The following SNAP47 variants were observed in gnomAD, a reference collection of about 807,000 sequenced individuals.
SNAP47 encodes the protein synaptosomal-associated protein 47.
Under a neutral mutation model 31.4 loss-of-function variants are expected in SNAP47, and 20 were observed. The ratio of observed to expected loss-of-function variants is 0.64; its 90% CI spans 0.45 to 0.93. The LOEUF (loss-of-function observed/expected upper bound fraction) is 0.93, where lower values mean the gene tolerates loss of function less well. Ranked by LOEUF, SNAP47 falls within the 40% of genes least tolerant of loss-of-function variation. The pLI is 0.00. For synonymous variants in SNAP47, 194 were observed against 213.4 expected, an observed-to-expected ratio of 0.91 and a Z score of 0.79; for missense variants, 492 against 528.5, an observed-to-expected ratio of 0.93 and a Z score of 0.68.
At chr1:227,747,629 T>C in intron 1 of SNAP47, 63 bp from the exon 2 acceptor site, 4 of 1,498,240 alleles carry the variant, frequency 2.7e-6, no homozygotes, top group Admixed American at 2.1e-5. Flanking sequence ...AGCATCCTTG[T>C]GGGGTTGCTT....
At position 227,758,975 on chromosome 1, in the gene SNAP47, T is replaced by C. The variant is rs371040835; in HGVS notation, c.498-20T>C. On this transcript the variant is annotated intron_variant, in intron 2 of 4. Coordinates refer to ENST00000617596, the MANE Select transcript of SNAP47 (RefSeq NM_053052.4). ...AAAAATGAACTGATCCAGTTTTCCATGTTTTGTTTGCTTTTTCAGATTGCT... is the reference window on the plus strand; with the variant it reads ...AAAAATGAACTGATCCAGTTTTCCACGTTTTGTTTGCTTTTTCAGATTGCT... 10 of 1,559,622 alleles carry C rather than the reference T, an allele frequency of 6.4e-6. No homozygotes were observed. The highest frequency in any genetic ancestry group is 4.1e-5 in the African/African-American group (3 of 72,300).
Position 227,781,010 on chromosome 1 carries a change from C to G in SNAP47, c.*337C>G, listed in dbSNP as rs1485262892. 3.4e-6 allele frequency: 1 copy of G among 296,772 alleles called. No homozygotes were observed. The highest frequency in any genetic ancestry group is 2.2e-5 in the African/African-American group (1 of 46,342). The allele number at this position is 296,772 out of a possible 1,614,324, so 18.4% of individuals were successfully genotyped here. ...CGGCTCCCTTTCATGGACAGACTGG[C>G]CTTCTTAGCTGTACTATAAATTTGT... is the stretch of plus-strand genomic sequence containing the variant. On this transcript the variant is annotated 3_prime_UTR_variant, in exon 5 of 5. Coordinates refer to ENST00000617596, the MANE Select transcript of SNAP47 (RefSeq NM_053052.4).
intron 4 of SNAP47, chr1:227,775,638 C>A: frequency 1.4e-6 from 1 of 722,264 alleles, no homozygotes; most frequent in Non-Finnish European, 2.0e-6. Context: ...CAGCACTCAG[C>A]CTTGCCCTAA....
At chr1:227,754,231 C>T (rs909758538) in intron 2 of SNAP47, among the ~76,000 whole-genome samples, 1 of 152,256 alleles carries the variant, frequency 6.6e-6, no homozygotes, top group African/African-American at 2.4e-5. Flanking sequence ...GGCCTACAGC[C>T]GTGCTGGTGC....
upstream of SNAP47, chr1:227,733,925 G>A (rs751199312): frequency 4.5e-5 from 72 of 1,613,634 alleles, no homozygotes; most frequent in Non-Finnish European, 5.7e-5. Context: ...CGCAGGCCCC[G>A]CGTAGACAAA....
rs557110211 is a variant in SNAP47, at chr1:227,779,793, C to T, written c.1114-734C>T. On this transcript the variant is annotated intron_variant, in intron 4 of 4. Transcript: ENST00000617596. ...AGCACCAGCTCAGCCCTTAGCTCAT[C>T]GCCCCTGCTGCAACCAGGGGACACA... 1.6e-4 allele frequency among the ~76,000 whole-genome samples: 24 copies of T among 152,292 alleles called. No homozygotes were observed. In the South Asian group the frequency reaches 4.1e-3, roughly 26 times the overall value.
intron 2 of SNAP47, among the ~76,000 whole-genome samples, chr1:227,751,351 C>T (rs541661042): frequency 1.3e-5 from 2 of 152,312 alleles, no homozygotes; most frequent in East Asian, 3.9e-4. Flanking sequence ...GCCCCACCGC[C>T]GGCCAGGTGC....
intron 2 of SNAP47, among the ~76,000 whole-genome samples, chr1:227,755,282 C>T (rs373447207): frequency 1.0e-3 from 152 of 152,342 alleles, no homozygotes; most frequent in African/African-American, 3.5e-3. Context: ...CAGCTCATTC[C>T]AGCCTCCAAC....
At position 227,761,946 on chromosome 1, in the gene SNAP47, G is replaced by A. The variant is rs561427271; in HGVS notation, c.988+2461G>A. Among the ~76,000 whole-genome samples the A allele has an allele frequency of 2.6e-5, 4 of 152,304 alleles. No individual in the cohort carries two copies. In the East Asian group the frequency reaches 7.7e-4, roughly 29 times the overall value. On this transcript the variant is annotated intron_variant, in intron 3 of 4. Coordinates refer to ENST00000617596, the MANE Select transcript of SNAP47 (RefSeq NM_053052.4). ...CAGAGGGCTATCACCTTTTCTGGGG[G>A]CCTCAACGTGCATTCAGGATTCAGG...
intron 4 of SNAP47, chr1:227,770,820 C>T (rs1478423580): frequency 6.6e-6 from 1 of 152,514 alleles, no homozygotes; most frequent in African/African-American, 2.4e-5. Flanking sequence ...AGCTCACCGA[C>T]CATGTCGGGG....
At chr1:227,764,267 G>A (rs1421941481) in intron 3 of SNAP47, among the ~76,000 whole-genome samples, 1 of 152,246 alleles carries the variant, frequency 6.6e-6, no homozygotes, top group Non-Finnish European at 1.5e-5. Flanking sequence ...GGAGATGGCA[G>A]CATGCAGCCT....
At chr1:227,771,232 G>A (rs1663783019) in intron 4 of SNAP47, among the ~76,000 whole-genome samples, 1 of 152,328 alleles carries the variant, frequency 6.6e-6, no homozygotes, top group African/African-American at 2.4e-5. Context: ...ATTTTGGGGG[G>A]CTGTGAGGTT....
At chr1:227,740,330 G>A (rs1194899247) in intron 1 of SNAP47, among the ~76,000 whole-genome samples, 2 of 152,198 alleles carry the variant, frequency 1.3e-5, no homozygotes, top group Non-Finnish European at 2.9e-5. Context: ...CAAGTACACA[G>A]GGAAAGGCTT....
chr1:227,733,256 C>T, upstream of SNAP47: 1 of 919,858 alleles, frequency 1.1e-6, no homozygotes, highest in South Asian at 1.8e-5. Context: ...GTGGGTGAAA[C>T]AGAGGCTAGG....
intron 1 of SNAP47, among the ~76,000 whole-genome samples, chr1:227,745,370 GCTTA>G (rs1661893141): frequency 1.3e-5 from 2 of 152,270 alleles, no homozygotes; most frequent in African/African-American, 4.8e-5. Flanking sequence ...CTTTTCATAT[GCTTA>G]CTTTCCAAAC....
chr1:227,740,954 G>C (rs1241628003), intron 1 of SNAP47, among the ~76,000 whole-genome samples: 1 of 147,872 alleles, frequency 6.8e-6, no homozygotes, highest in Non-Finnish European at 1.5e-5. Flanking sequence ...TGCCCAGCGG[G>C]TGACAGGAGG....
At chr1:227,748,335 C>T in intron 2 of SNAP47, 102 bp downstream of exon 2, 3 of 1,282,842 alleles carry the variant, frequency 2.3e-6, no homozygotes, top group Non-Finnish European at 3.2e-6. Context: ...TATTTGCACA[C>T]ATCCAGCATT....
intron 2 of SNAP47, among the ~76,000 whole-genome samples, chr1:227,749,996 C>T (rs539109797): frequency 3.9e-5 from 6 of 152,382 alleles, no homozygotes; most frequent in Admixed American, 6.5e-5. Context: ...GTGGGCAGAA[C>T]CTCTGTGTCC....
intron 1 of SNAP47, among the ~76,000 whole-genome samples, chr1:227,738,066 G>A (rs538117788): frequency 9.0e-4 from 136 of 151,886 alleles, no homozygotes; most frequent in African/African-American, 3.3e-3. Context: ...TTTTGAGACC[G>A]CGTCTTATTC....
Sources: gnomAD v4.1 joint callset for allele counts (sites outside exome capture counted in the v4.1 genomes callset) on GRCh38, gnomAD v4.1.1 for gene constraint, MANE v1.5 for transcripts, NCBI Gene and HGNC (gene_info 2026-07-23, HGNC 2026-07-21) for gene names.